Variants in FGGY observed in about 807,000 individuals in gnomAD.
The protein encoded by FGGY is FGGY carbohydrate kinase domain containing, also known as FGGY carbohydrate kinase domain-containing protein.
In FGGY, 72 loss-of-function variants were observed where a neutral mutation model predicts 71.3. The ratio of observed to expected loss-of-function variants is 1.01; its 90% CI spans 0.84 to 1.23. The LOEUF (loss-of-function observed/expected upper bound fraction) is 1.23. Ranked by LOEUF, FGGY falls within the 50% of genes most tolerant of loss-of-function variation. FGGY has a pLI of 0.00. For synonymous variants in FGGY, 251 were observed against 250.3 expected (o/e 1.00, Z -0.02); for missense variants, 668 against 682.3 (o/e 0.98, Z 0.23).
chr1:59,516,327 G>T (rs2094650369), intron 7 of FGGY, among the ~76,000 whole-genome samples: 1 of 152,154 alleles, frequency 6.6e-6, no homozygotes. Flanking sequence ...GTCAGTGATT[G>T]GTCTAGGCAC....
chr1:59,739,618 T>C (rs2098131741), intron 14 of FGGY, among the ~76,000 whole-genome samples: 1 of 152,186 alleles, frequency 6.6e-6, no homozygotes. Context: ...GCAGGCCACA[T>C]TATGCTTTGA....
At chr1:59,354,465 T>A (rs1472730265) in intron 4 of FGGY, among the ~76,000 whole-genome samples, 1 of 152,248 alleles carries the variant, frequency 6.6e-6, no homozygotes, top group Admixed American at 6.5e-5. Flanking sequence ...GTGGCAAGGC[T>A]GGGATTTGAA....
intron 14 of FGGY, among the ~76,000 whole-genome samples, chr1:59,738,643 G>T (rs1030605989): frequency 5.3e-5 from 8 of 152,198 alleles, no homozygotes; most frequent in African/African-American, 1.9e-4. Flanking sequence ...TGGTTATTCT[G>T]GGAAATGAAA....
intron 10 of FGGY, among the ~76,000 whole-genome samples, chr1:59,635,538 A>G (rs1293549351): frequency 7.0e-6 from 1 of 143,260 alleles, no homozygotes; most frequent in African/African-American, 2.7e-5. Context: ...AGATTTATAG[A>G]CATGCGTTTC....
In FGGY at chr1:59,469,717, T is replaced by C. The variant is rs543646554; in HGVS notation, c.670+12641T>C. ...CAGGTATTAAGCCTAGTACCCGTTA[T>C]TTTTCCTGATCCTCTTCCTCCTCCC... On this transcript the variant is annotated intron_variant, in intron 6 of 15. Coordinates refer to ENST00000303721, the MANE Select transcript of FGGY (RefSeq NM_018291.5). 4.6e-5 allele frequency among the ~76,000 whole-genome samples: 7 copies of C among 152,288 alleles called. No homozygotes were observed. In the East Asian group the frequency reaches 1.4e-3, roughly 29 times the overall value.
At chr1:59,489,642 A>G (rs2093764673) in intron 6 of FGGY, among the ~76,000 whole-genome samples, 2 of 152,106 alleles carry the variant, frequency 1.3e-5, no homozygotes, top group African/African-American at 2.4e-5. Context: ...AGGCTGATTC[A>G]TATCTTGGCT....
In FGGY at chr1:59,572,106, A is replaced by G. The variant is rs529207763; in HGVS notation, c.903+17879A>G. ...ACTTAACAGTTTTTTTAATGTTCAC[A>G]TAAGTTTTATACACTCCTCTGTATG... On this transcript the variant is annotated intron_variant, in intron 8 of 15. Coordinates refer to ENST00000303721, the MANE Select transcript of FGGY (RefSeq NM_018291.5). Among the ~76,000 whole-genome samples the G allele has an allele frequency of 5.3e-5, 8 of 152,318 alleles. No homozygotes were observed. The South Asian group carries it at 8.3e-4, about 16-fold the overall frequency.
chr1:59,486,948 T>G (rs1454290629), intron 6 of FGGY, among the ~76,000 whole-genome samples: 2 of 152,330 alleles, frequency 1.3e-5, no homozygotes, highest in East Asian at 3.9e-4. Context: ...ATAGCTGTCC[T>G]ATTTTAAAGT....
At chr1:59,559,686 G>A (rs1432061218) in intron 8 of FGGY, among the ~76,000 whole-genome samples, 1 of 152,134 alleles carries the variant, frequency 6.6e-6, no homozygotes, top group African/African-American at 2.4e-5. Flanking sequence ...TGAGCTTGGA[G>A]CATTTGCAGT....
At chr1:59,584,455 G>C (rs1177706846) in intron 8 of FGGY, among the ~76,000 whole-genome samples, 1 of 149,920 alleles carries the variant, frequency 6.7e-6, no homozygotes, top group African/African-American at 2.5e-5. Flanking sequence ...AAAGGCCTTT[G>C]ACAAAATTCA....
chr1:59,692,678 G>A (rs1255636987), intron 14 of FGGY, among the ~76,000 whole-genome samples: 1 of 151,802 alleles, frequency 6.6e-6, no homozygotes, highest in Non-Finnish European at 1.5e-5. Context: ...GCTGTAGAGT[G>A]GGAGGGAAAA....
chr1:59,354,181 G>A (rs531536379), intron 4 of FGGY, among the ~76,000 whole-genome samples: 6 of 152,072 alleles, frequency 3.9e-5, no homozygotes, highest in Admixed American at 2.6e-4. Flanking sequence ...AGGCTTGAGC[G>A]GCTCTCCCAC....
intron 5 of FGGY, among the ~76,000 whole-genome samples, chr1:59,402,029 C>T (rs1481723507): frequency 6.6e-6 from 1 of 152,212 alleles, no homozygotes; most frequent in Non-Finnish European, 1.5e-5. Flanking sequence ...CCTTACCTCC[C>T]ACTAGGCTAT....
At chr1:59,323,868 A>G (rs1010758364) in intron 2 of FGGY, among the ~76,000 whole-genome samples, 1 of 152,196 alleles carries the variant, frequency 6.6e-6, no homozygotes, top group African/African-American at 2.4e-5. Flanking sequence ...ATTATAGAAG[A>G]TAGTGAATTT....
At chr1:59,753,492 A>T (rs1208445901) in intron 14 of FGGY, among the ~76,000 whole-genome samples, 1 of 121,442 alleles carries the variant, frequency 8.2e-6, no homozygotes, top group Non-Finnish European at 1.7e-5. Context: ...ATATATATAT[A>T]TATATATATA....
chr1:59,484,761 T>G (rs1411350516), intron 6 of FGGY, among the ~76,000 whole-genome samples: 1 of 152,230 alleles, frequency 6.6e-6, no homozygotes, highest in African/African-American at 2.4e-5. Flanking sequence ...GCTTTTATAT[T>G]TCTTTGTAAG....
chr1:59,665,378 A>G (rs1448721527), intron 12 of FGGY, among the ~76,000 whole-genome samples: 1 of 152,198 alleles, frequency 6.6e-6, no homozygotes, highest in Non-Finnish European at 1.5e-5. Context: ...TACCTAATCC[A>G]TATTTTTACC....
intron 8 of FGGY, 116 bp from the exon 9 acceptor site, chr1:59,607,687 C>G: frequency 2.8e-6 from 2 of 708,094 alleles, no homozygotes; most frequent in Non-Finnish European, 4.7e-6. Context: ...ACTTCCCCAC[C>G]ATAAAAGGCA....
At position 59,379,907 on chromosome 1, in the gene FGGY, G is replaced by A. The variant is rs548099637; in HGVS notation, c.554+1070G>A. 1.1e-4 allele frequency among the ~76,000 whole-genome samples: 17 copies of A among 151,814 alleles called. No individual in the cohort carries two copies. In the East Asian group the frequency reaches 2.3e-3, roughly 21 times the overall value. ...GTTGGTGTGCTGCACCCATTAACTC[G>A]TCATTTACATGAGGTATATCTCCTA... On this transcript the variant is annotated intron_variant, in intron 5 of 15. Transcript: ENST00000303721.
Sources: gnomAD v4.1 joint callset for allele counts (sites outside exome capture counted in the v4.1 genomes callset) on GRCh38, gnomAD v4.1.1 for gene constraint, MANE v1.5 for transcripts, NCBI Gene and HGNC (gene_info 2026-07-23, HGNC 2026-07-21) for gene names.